The following CD36 variants were observed in gnomAD, a reference collection of about 807,000 sequenced individuals.
CD36 encodes the protein platelet glycoprotein 4.
In CD36, 119 loss-of-function variants were observed where a neutral mutation model predicts 55.2. The ratio of observed to expected loss-of-function variants is 2.15; its 90% CI spans 1.86 to 2.51. CD36 has a LOEUF of 2.51. Among genes scored for constraint, CD36 ranks in the 30% most tolerant of loss-of-function variants. The pLI, the probability that CD36 is intolerant of heterozygous loss-of-function variation, is 0.00. For synonymous variants in CD36, 186 were observed against 193.6 expected (o/e 0.96, Z 0.33); for missense variants, 819 against 555.5 (o/e 1.47, Z -4.77).
At chr7:80,617,869 A>G (rs1425808198) in intron 1 of CD36, among the ~76,000 whole-genome samples, 2 of 152,194 alleles carry the variant, frequency 1.3e-5, no homozygotes, top group Non-Finnish European at 2.9e-5. Context: ...TTGTCATTAG[A>G]GAAAGGTCAG....
chr7:80,635,139 A>G (rs1314055860), upstream of CD36, among the ~76,000 whole-genome samples: 1 of 152,138 alleles, frequency 6.6e-6, no homozygotes, highest in African/African-American at 2.4e-5. Flanking sequence ...GTTACTTCTG[A>G]GGAATACAAT....
intron 5 of CD36, among the ~76,000 whole-genome samples, chr7:80,661,505 T>G (rs1303602326): frequency 6.6e-6 from 1 of 152,204 alleles, no homozygotes; most frequent in African/African-American, 2.4e-5. Context: ...GTACAACATT[T>G]GTTTCAGTAT....
chr7:80,673,882 A>AAGG, intron 13 of CD36, 101 bp from the exon 14 acceptor site: 1 of 855,234 alleles, frequency 1.2e-6, no homozygotes, highest in Non-Finnish European at 1.9e-6. Context: ...CTGATGACTA[A>AAGG]CACCAATAGA....
intron 3 of CD36, 28 bp from the exon 4 acceptor site, chr7:80,656,512 T>C (rs1796082258): frequency 1.2e-6 from 2 of 1,609,580 alleles, no homozygotes; most frequent in South Asian, 2.2e-5. Flanking sequence ...TACAAAGACA[T>C]AACCCAAACT....
chr7:80,640,014 T>G (rs2116284513), intron 1 of CD36: 1 of 152,126 alleles, frequency 6.6e-6, no homozygotes. Flanking sequence ...TTTTTTAACC[T>G]TGTTTACTTT....
Position 80,674,095 on chromosome 7 carries a change from T to C in CD36, c.1367T>C (p.Phe456Ser), listed in dbSNP as rs1210365835. 1.9e-6 allele frequency: 3 copies of C among 1,612,482 alleles called. No homozygotes were observed. The highest frequency in any genetic ancestry group is 2.7e-5 in the African/African-American group (2 of 74,858). Residue 456 changes from phenylalanine (F) to serine (S), a missense_variant, in exon 14 of 15, where the codon TTT becomes TCT. Phe to Ser is a radical substitution (Grantham distance 155). Transcript: ENST00000447544. ...TTACTCAGTGTTGGTGTGGTGATGT[T>C]TGTTGCTTTTATGATTTCATATTGT... ...MILLSVGVVM[F>S]VAFMISYCAC...
chr7:80,616,448 T>C (rs867075955), intron 1 of CD36, among the ~76,000 whole-genome samples: 13 of 110,736 alleles, frequency 1.2e-4, no homozygotes, highest in Non-Finnish European at 1.5e-4. Flanking sequence ...TGTGTGTGTG[T>C]GCCTGCACGC....
chr7:80,635,676 C>G (rs183684574), upstream of CD36, among the ~76,000 whole-genome samples: 15 of 152,180 alleles, frequency 9.9e-5, no homozygotes, highest in South Asian at 8.3e-4. Context: ...ATATTTCTAC[C>G]ATGTTTAAGA....
At chr7:80,661,286 A>G in intron 5 of CD36, 76 bp downstream of exon 5, 1 of 1,378,966 alleles carries the variant, frequency 7.3e-7, no homozygotes, top group Non-Finnish European at 1.0e-6. Context: ...CATTAGAATT[A>G]TTAGGTTTTA....
intron 1 of CD36, among the ~76,000 whole-genome samples, chr7:80,631,061 T>C (rs980126607): frequency 2.6e-5 from 4 of 151,940 alleles, no homozygotes; most frequent in African/African-American, 9.7e-5. Context: ...GTCCGAGAAG[T>C]CTCTGAGGAT....
upstream of CD36, among the ~76,000 whole-genome samples, chr7:80,636,064 G>T (rs1794377669): frequency 6.6e-6 from 1 of 152,030 alleles, no homozygotes; most frequent in African/African-American, 2.4e-5. Flanking sequence ...ATCCCCCTCT[G>T]CAAAAACCCA....
intron 1 of CD36, among the ~76,000 whole-genome samples, chr7:80,614,768 G>C (rs1205153641): frequency 6.6e-6 from 1 of 152,092 alleles, no homozygotes; most frequent in African/African-American, 2.4e-5. Context: ...CCTGATATCA[G>C]TTGAAAACTG....
At chr7:80,637,242 A>G (rs186482460), upstream of CD36, among the ~76,000 whole-genome samples, 179 of 152,190 alleles carry the variant, frequency 1.2e-3, 1 homozygote, top group African/African-American at 4.2e-3. Flanking sequence ...CAAAACAGCT[A>G]TCTACAAAAT....
chr7:80,635,141 G>A (rs1419599282), upstream of CD36, among the ~76,000 whole-genome samples: 3 of 152,138 alleles, frequency 2.0e-5, no homozygotes, highest in East Asian at 1.9e-4. Context: ...TACTTCTGAG[G>A]AATACAATTG....
intron 1 of CD36, among the ~76,000 whole-genome samples, chr7:80,603,677 C>G (rs1792368899): frequency 6.7e-6 from 1 of 148,764 alleles, no homozygotes; most frequent in Admixed American, 6.8e-5. Flanking sequence ...ATTAACTGTT[C>G]TAAGAGTTCA....
At chr7:80,669,229 A>T (rs903652844) in intron 8 of CD36, among the ~76,000 whole-genome samples, 31 of 152,162 alleles carry the variant, frequency 2.0e-4, no homozygotes, top group Admixed American at 1.8e-3. Flanking sequence ...TTGTACCATT[A>T]AATATGTATA....
At position 80,645,110 on chromosome 7, in the gene CD36, T is replaced by C. The variant is rs187977143; in HGVS notation, c.-183-978T>C. 2.1e-3 allele frequency among the ~76,000 whole-genome samples: 310 copies of C among 150,692 alleles called. 3 individuals are homozygous for C. Among genetic ancestry groups the C allele is most frequent in the African/African-American group, 7.3e-3 (299 of 41,100 alleles). ...ATCTCGGCTCACCGCAACCTCCGCC[T>C]CCTGGGTTCAAGCGATTCTCCTGCC... On this transcript the variant is annotated intron_variant, in intron 1 of 14. Coordinates refer to ENST00000447544, the MANE Select transcript of CD36 (RefSeq NM_001001548.3).
chr7:80,629,317 A>G (rs933044597), intron 1 of CD36, among the ~76,000 whole-genome samples: 1 of 152,004 alleles, frequency 6.6e-6, no homozygotes, highest in Non-Finnish European at 1.5e-5. Context: ...AGCAGTGGGG[A>G]TTGGAATAGA....
chr7:80,603,770 A>C (rs1157597326), intron 1 of CD36, among the ~76,000 whole-genome samples: 2 of 51,964 alleles, frequency 3.8e-5, no homozygotes, highest in East Asian at 1.1e-3. Flanking sequence ...ACAGTCAGGC[A>C]AAAAAAAAAA....
Sources: allele counts gnomAD v4.1 joint callset (sites outside exome capture counted in the v4.1 genomes callset), GRCh38; gene constraint gnomAD v4.1.1; transcripts MANE v1.5; gene names NCBI Gene and HGNC (gene_info 2026-07-23, HGNC 2026-07-21).